The following TCERG1L variants were observed in gnomAD, a reference collection of about 807,000 sequenced individuals.
TCERG1L encodes transcription elongation regulator 1 like.
In TCERG1L, 37 loss-of-function variants were observed where a neutral mutation model predicts 56.3. The ratio of observed to expected loss-of-function variants is 0.66; its 90% CI spans 0.51 to 0.87. The LOEUF (loss-of-function observed/expected upper bound fraction) is 0.87. TCERG1L is among the 40% of genes least tolerant of loss of function. The pLI is 0.00. For missense variants in TCERG1L, 799 were observed against 774.2 expected (o/e 1.03, Z -0.38); for synonymous variants, 324 against 326.3 (o/e 0.99, Z 0.08).
chr10:131,232,135 T>C (rs1845859266), intron 4 of TCERG1L, among the ~76,000 whole-genome samples: 1 of 152,266 alleles, frequency 6.6e-6, no homozygotes, highest in Admixed American at 6.5e-5. Flanking sequence ...GCCAAGGCGA[T>C]TCACTGGGAC....
intron 2 of TCERG1L, 108 bp from the exon 3 acceptor site, chr10:131,308,499 T>C (rs1846839914): frequency 1.5e-5 from 14 of 909,252 alleles, no homozygotes; most frequent in Middle Eastern, 3.4e-4. Flanking sequence ...ACATTGAACA[T>C]TCTATTATTG....
At chr10:131,166,716 C>A in intron 5 of TCERG1L, 81 bp downstream of exon 5, 6 of 1,377,984 alleles carry the variant, frequency 4.4e-6, no homozygotes, top group Non-Finnish European at 6.1e-6. Flanking sequence ...ATACAGCAAA[C>A]AAGCGTGAGG....
At position 131,309,144 on chromosome 10, in the gene TCERG1L, C is replaced by T. The variant is rs369500059; in HGVS notation, c.489+9G>A. 8.1e-6 allele frequency: 13 copies of T among 1,606,692 alleles called. No individual in the cohort carries two copies. The East Asian group carries it at 1.8e-4, about 22-fold the overall frequency. On this transcript the variant is annotated intron_variant, in intron 2 of 11. Transcript: ENST00000368642. ...GCCCCTTATCCAATTAAATCACTTG[C>T]GTTTTTACCTTACAGTTAGGAATCC...
At chr10:131,188,562 T>G (rs551289865) in intron 4 of TCERG1L, among the ~76,000 whole-genome samples, 1 of 152,286 alleles carries the variant, frequency 6.6e-6, no homozygotes, top group East Asian at 1.9e-4. Flanking sequence ...ACTCCTACAT[T>G]CAATAATGGG....
At chr10:131,278,442 A>C (rs1281728028) in intron 3 of TCERG1L, among the ~76,000 whole-genome samples, 3 of 150,852 alleles carry the variant, frequency 2.0e-5, no homozygotes, top group Non-Finnish European at 4.4e-5. Flanking sequence ...GGTTCAAGCA[A>C]TTCTCCTGCC....
At chr10:131,127,711 G>A (rs12768169) in intron 8 of TCERG1L, among the ~76,000 whole-genome samples, 54,562 of 151,898 alleles carry the variant, frequency 0.36, 10,085 homozygotes, top group East Asian at 0.52. Flanking sequence ...AGGGAGTCCC[G>A]GAACCACAGA....
chr10:131,182,387 G>A (rs1353859896), intron 4 of TCERG1L, among the ~76,000 whole-genome samples: 1 of 152,250 alleles, frequency 6.6e-6, no homozygotes, highest in Non-Finnish European at 1.5e-5. Flanking sequence ...CTAGCACCGG[G>A]AGGGCATTAG....
At chr10:131,136,411 T>C (rs1475812195) in intron 7 of TCERG1L, among the ~76,000 whole-genome samples, 3 of 152,028 alleles carry the variant, frequency 2.0e-5, no homozygotes, top group Admixed American at 1.3e-4. Flanking sequence ...CACTTCTACG[T>C]CATGTTCTTG....
chr10:131,120,443 C>T (rs765474196), intron 8 of TCERG1L, among the ~76,000 whole-genome samples: 3 of 152,234 alleles, frequency 2.0e-5, no homozygotes, highest in Admixed American at 1.3e-4. Context: ...TCTAAACCCT[C>T]AGAGGCACTT....
At chr10:131,182,408 A>G (rs982262769) in intron 4 of TCERG1L, among the ~76,000 whole-genome samples, 1 of 152,236 alleles carries the variant, frequency 6.6e-6, no homozygotes, top group Non-Finnish European at 1.5e-5. Context: ...TAAGCAACTA[A>G]TTTAAAAGAA....
intron 4 of TCERG1L, among the ~76,000 whole-genome samples, chr10:131,206,205 A>G (rs2918125): frequency 0.61 from 93,309 of 152,158 alleles, 29,177 homozygotes; most frequent in East Asian, 0.76. Context: ...AAGGTCCGCA[A>G]AGGCAAATCC....
chr10:131,177,069 C>G (rs111210346), intron 4 of TCERG1L, among the ~76,000 whole-genome samples: 118 of 120,186 alleles, frequency 9.8e-4, no homozygotes, highest in Middle Eastern at 0.011. Flanking sequence ...CACACACAGA[C>G]ACATACACAC....
At chr10:131,206,826 G>A (rs1845534900) in intron 4 of TCERG1L, among the ~76,000 whole-genome samples, 1 of 152,144 alleles carries the variant, frequency 6.6e-6, no homozygotes, top group African/African-American at 2.4e-5. Flanking sequence ...ATGAGGAGAG[G>A]GTGGGGTGCG....
chr10:131,094,510 C>A (rs1014898542), intron 11 of TCERG1L, among the ~76,000 whole-genome samples: 1 of 152,258 alleles, frequency 6.6e-6, no homozygotes, highest in Non-Finnish European at 1.5e-5. Flanking sequence ...ATGCTCATTT[C>A]TGTCATTGAA....
Position 131,092,761 on chromosome 10 carries a change from A to C in TCERG1L, c.*401T>G. 6.2e-6 allele frequency: 1 copy of C among 161,494 alleles called. No homozygotes were observed. The highest frequency in any genetic ancestry group is 1.4e-5 in the Non-Finnish European group (1 of 73,962). The allele number at this position is 161,494 out of a possible 1,614,324, so 10.0% of individuals were successfully genotyped here. ...TTCCTCAACACTGCGGGAATCCTGGAGAAACGAAGTAATTCACAAAGGTTT... is the reference window on the plus strand; with the variant it reads ...TTCCTCAACACTGCGGGAATCCTGGCGAAACGAAGTAATTCACAAAGGTTT... On this transcript the variant is annotated 3_prime_UTR_variant, in exon 12 of 12. Transcript: ENST00000368642.
At chr10:131,117,680 C>T (rs74160847) in intron 8 of TCERG1L, among the ~76,000 whole-genome samples, 5 of 152,232 alleles carry the variant, frequency 3.3e-5, no homozygotes, top group African/African-American at 1.2e-4. Context: ...CTGGGCAGCT[C>T]ACCAGCACTC....
At chr10:131,305,217 C>T (rs1397889030) in intron 3 of TCERG1L, among the ~76,000 whole-genome samples, 3 of 151,994 alleles carry the variant, frequency 2.0e-5, no homozygotes, top group African/African-American at 4.8e-5. Flanking sequence ...GAGGCTAGCC[C>T]TTTGGGAGGC....
At chr10:131,196,250 T>C (rs552367050) in intron 4 of TCERG1L, among the ~76,000 whole-genome samples, 8 of 152,334 alleles carry the variant, frequency 5.3e-5, no homozygotes, top group Admixed American at 4.6e-4. Flanking sequence ...CATGGCACCC[T>C]CTGTGAAATA....
At chr10:131,303,197 A>T (rs758161180) in intron 3 of TCERG1L, among the ~76,000 whole-genome samples, 7 of 152,084 alleles carry the variant, frequency 4.6e-5, no homozygotes, top group Non-Finnish European at 1.0e-4. Context: ...TTGAGGAATC[A>T]CCATACTGTC....
Sources: allele counts gnomAD v4.1 joint callset (sites outside exome capture counted in the v4.1 genomes callset), GRCh38; gene constraint gnomAD v4.1.1; transcripts MANE v1.5; gene names NCBI Gene and HGNC (gene_info 2026-07-23, HGNC 2026-07-21).